RPL36A: variants seen among roughly 807,000 people sequenced by gnomAD.
RPL36A encodes large ribosomal subunit protein eL42.
For missense variants in RPL36A, 20 were observed against 81.0 expected (o/e 0.25, Z 2.89); for synonymous variants, 25 against 28.5 (o/e 0.88, Z 0.39).
At chrX:101,392,805 T>C (rs1471119411) in intron 3 of RPL36A, 1 of 164,085 alleles carries the variant, frequency 6.1e-6, no homozygotes, top group Non-Finnish European at 9.9e-6. Flanking sequence ...TTAGTGTCCA[T>C]CGGGATGAAT....
At chrX:101,395,181 A>C (rs1555984142) in intron 3 of RPL36A, 154 bp from the exon 4 acceptor site, 10 of 449,521 alleles carry the variant, frequency 2.2e-5, no homozygotes, top group South Asian at 1.9e-4. Flanking sequence ...TTAAGAGTAT[A>C]CTGAGTACTA....
At chrX:101,392,515 A>G (rs952521595) in intron 3 of RPL36A, 2 of 754,728 alleles carry the variant, frequency 2.6e-6, no homozygotes, top group Admixed American at 1.7e-4. Context: ...GGCAAAAAGA[A>G]TGCTTTTTTT....
In RPL36A at chrX:101,391,051, G is replaced by T. The variant is rs782223462; in HGVS notation, c.3+5G>T. On this transcript the variant is annotated splice_donor_5th_base_variant and intron_variant, in intron 1 of 4. Coordinates refer to ENST00000553110, the MANE Select transcript of RPL36A (RefSeq NM_021029.6). ...GATAGCGCTCACGCAAGCATGGTAG[G>T]ACTTGCTGGTGGGGGCCGAGTAACA... 1.7e-6 allele frequency: 2 copies of T among 1,209,700 alleles called. No individual in the cohort carries two copies. Among genetic ancestry groups the T allele is most frequent in the South Asian group, 1.8e-5 (1 of 56,974 alleles).
rs782398586 is a variant in RPL36A, at chrX:101,396,059, ACATT to A, written c.*315_*318del. The A allele has an allele frequency of 1.2e-3, 336 of 271,240 alleles. No homozygotes were observed. The highest frequency in any genetic ancestry group is 1.7e-3 in the Non-Finnish European group (262 of 155,360). The allele number at this position is 271,240 out of a possible 1,213,427, so 22.4% of individuals were successfully genotyped here. ...AGGCTAATAGGGAGAAGTCAGTAACACATTCATAGTGAATATGAGATGTCTTTGC... is the reference window on the plus strand; with the variant it reads ...AGGCTAATAGGGAGAAGTCAGTAACACATAGTGAATATGAGATGTCTTTGC... On this transcript the variant is annotated 3_prime_UTR_variant, in exon 5 of 5. Transcript: ENST00000553110.
intron 3 of RPL36A, chrX:101,392,230 C>T (rs1927835874): frequency 7.5e-6 from 7 of 932,020 alleles, no homozygotes; most frequent in South Asian, 7.4e-5. Context: ...TACCTGTTCT[C>T]GTGAAGTCTT....
At chrX:101,395,528 A>G in intron 4 of RPL36A, 71 bp downstream of exon 4, 1 of 1,164,839 alleles carries the variant, frequency 8.6e-7, no homozygotes. Context: ...ACATCTATTC[A>G]TTGTGGCATA....
At position 101,391,481 on chromosome X, in the gene RPL36A, G is replaced by A. The variant is rs1262103079; in HGVS notation, c.26G>A (p.Arg9Gln). The change falls in exon 2 of 5, where the codon CGG (arginine) becomes CAG (glutamine). Residue 9 changes from arginine (R) to glutamine (Q), a missense_variant. Arg to Gln is a conservative substitution (Grantham distance 43). Transcript: ENST00000553110. MVNVPKTR[R>Q]TFCKKCGKHQ... ...TAGGTTAACGTCCCTAAAACCCGCC[G>A]GACTTTCTGTAAGAAGTGTGGCAAG... The A allele has an allele frequency of 3.3e-6, 4 of 1,209,962 alleles. No homozygotes were observed. Among genetic ancestry groups the A allele is most frequent in the African/African-American group, 3.5e-5 (2 of 57,158 alleles).
At chrX:101,391,250 G>GGCCAC in intron 1 of RPL36A, 4 of 580,818 alleles carry the variant, frequency 6.9e-6, no homozygotes, top group Non-Finnish European at 1.1e-5. Flanking sequence ...AGTTAGCCGG[G>GGCCAC]GGTGGAGTTA....
At chrX:101,391,205 G>T in intron 1 of RPL36A, 159 bp downstream of exon 1, 2 of 665,404 alleles carry the variant, frequency 3.0e-6, no homozygotes, top group South Asian at 5.4e-5. Flanking sequence ...CGGGCTACGG[G>T]GCCAGGAATT....
chrX:101,394,790 A>AT (rs1175645490), intron 3 of RPL36A, among the ~76,000 whole-genome samples: 348 of 78,928 alleles, frequency 4.4e-3, no homozygotes, highest in Middle Eastern at 6.2e-3. Context: ...ATATATATAT[A>AT]TTTTTTTTTT....
At position 101,392,835 on chromosome X, in the gene RPL36A, ATACGCGGCC is replaced by A. The variant is rs1555983663; in HGVS notation, c.177+1014_177+1022del. 6.1e-4 allele frequency: 85 copies of A among 139,290 alleles called. 1 individual carries two copies. The highest frequency in any genetic ancestry group is 2.1e-3 in the African/African-American group (66 of 31,159). 11.5% of individuals were successfully genotyped at this position (139,290 alleles called of 1,213,427 possible). On this transcript the variant is annotated intron_variant, in intron 3 of 4. Transcript: ENST00000553110. The stretch of plus-strand genomic sequence containing the variant: ...ATGAATGGATAAAGAAAATGTACCT[ATACGCGGCC>A]AGGCACGGTGGCTTGTGCCTAGCAC...
intron 3 of RPL36A, chrX:101,392,073 C>T: frequency 8.8e-7 from 1 of 1,140,655 alleles, no homozygotes; most frequent in Non-Finnish European, 1.2e-6. Flanking sequence ...AGGAATGTGC[C>T]CTGCTTTCCT....
intron 3 of RPL36A, among the ~76,000 whole-genome samples, chrX:101,394,795 T>TC (rs1927964045): frequency 1.3e-5 from 1 of 78,727 alleles, no homozygotes; most frequent in Non-Finnish European, 2.2e-5. Flanking sequence ...TATATATTTT[T>TC]TTTTTTTTTT....
intron 1 of RPL36A, 110 bp from the exon 2 acceptor site, chrX:101,391,349 G>A: frequency 1.1e-6 from 1 of 941,482 alleles, no homozygotes; most frequent in East Asian, 3.1e-5. Context: ...GTCAGAGGTA[G>A]CAAGTAATGA....
At chrX:101,395,693 A>G in intron 4 of RPL36A, 35 bp from the exon 5 acceptor site, 2 of 1,206,382 alleles carry the variant, frequency 1.7e-6, no homozygotes, top group Non-Finnish European at 2.2e-6. Context: ...AGTTCATGGC[A>G]AAATACAAAA....
chrX:101,391,098 C>CA, intron 1 of RPL36A, 52 bp downstream of exon 1: 1 of 1,164,319 alleles, frequency 8.6e-7, no homozygotes, highest in Non-Finnish European at 1.2e-6. Context: ...CTTTCCCCCC[C>CA]TTCGTCGCCC....
Position 101,395,847 on chromosome X carries a change from A to G in RPL36A, c.*99A>G, listed in dbSNP as rs1351101748. 4.5e-5 allele frequency: 37 copies of G among 820,708 alleles called. No individual in the cohort carries two copies. The Admixed American group carries it at 7.8e-4, about 17-fold the overall frequency. 67.6% of individuals were successfully genotyped at this position (820,708 alleles called of 1,213,427 possible). A position where few individuals can be genotyped will look rare whatever the true frequency, so the allele number is the denominator to read the frequency against. On this transcript the variant is annotated 3_prime_UTR_variant, in exon 5 of 5. Transcript: ENST00000553110. ...GGGAGGGAATAAGCTAGAGCCATCA[A>G]TACAATTCCGCTTGTGGGGAAATTT...
chrX:101,392,159 C>A, intron 3 of RPL36A: 1 of 1,033,382 alleles, frequency 9.7e-7, no homozygotes. Context: ...TCTGAATCCT[C>A]GCTTGTTGGT....
intron 4 of RPL36A, 21 bp from the exon 5 acceptor site, chrX:101,395,707 C>CT (rs1440661759): frequency 4.1e-6 from 5 of 1,208,252 alleles, no homozygotes; most frequent in East Asian, 5.9e-5. Flanking sequence ...TACAAAACAA[C>CT]TTTTTTCTGT....
Sources: gnomAD v4.1 joint callset for allele counts (sites outside exome capture counted in the v4.1 genomes callset) on GRCh38, gnomAD v4.1.1 for gene constraint, MANE v1.5 for transcripts, NCBI Gene and HGNC (gene_info 2026-07-23, HGNC 2026-07-21) for gene names.